IER5L: variants seen among roughly 807,000 people sequenced by gnomAD.
The protein encoded by IER5L is immediate early response gene 5-like protein.
In IER5L, 6 loss-of-function variants were observed where a neutral mutation model predicts 28.3. The ratio of observed to expected loss-of-function variants is 0.21; its 90% CI spans 0.12 to 0.42. The LOEUF is 0.42. IER5L is among the 10% of genes least tolerant of loss of function. The probability of loss-of-function intolerance (pLI) is 1.00; values close to 1 mark genes in which losing one functional copy is unlikely to be tolerated. For missense variants in IER5L, 607 were observed against 575.2 expected (o/e 1.06, Z -0.56); for synonymous variants, 351 against 282.5 (o/e 1.24, Z -2.43).
In IER5L at chr9:129,176,600, GA is replaced by G; in HGVS notation, c.*237del. The G allele has an allele frequency of 4.6e-6, 2 of 434,306 alleles. No individual in the cohort carries two copies. The highest frequency in any genetic ancestry group is 7.6e-6 in the Non-Finnish European group (2 of 261,658). The allele number at this position is 434,306 out of a possible 1,614,324, so 26.9% of individuals were successfully genotyped here. On this transcript the variant is annotated 3_prime_UTR_variant, in exon 1 of 1. Coordinates refer to ENST00000372491, the MANE Select transcript of IER5L (RefSeq NM_203434.3). ...AATAAAAAGAAAAAAAGGAGTAGGA[GA>G]AACACAAAGCATACTTAAATAGGCG...
In IER5L at chr9:129,177,639, C is replaced by T; in HGVS notation, c.414G>A (p.Ala138=). 8.3e-7 allele frequency: 1 copy of T among 1,208,234 alleles called. No individual in the cohort carries two copies. The highest frequency in any genetic ancestry group is 1.0e-6 in the Non-Finnish European group (1 of 976,916). 74.8% of individuals were successfully genotyped at this position (1,208,234 alleles called of 1,614,324 possible). Reference sequence around the variant, plus strand: ...CGGGCGCTCCGGCCGCCGCCGCCGCCGCGCAGCCCCTGGGCGCCGGGTGCT... The same window carrying T: ...CGGGCGCTCCGGCCGCCGCCGCCGCTGCGCAGCCCCTGGGCGCCGGGTGCT... ...QHQHPAPRGC[A]AAAAAGAPAG... The change falls in exon 1 of 1, where the codon GCG becomes GCA. Residue 138 remains alanine (A), a synonymous_variant. Transcript: ENST00000372491.
chr9:129,176,268 C>G lies in IER5L; in HGVS notation c.*570G>C, dbSNP rs927641319. 1.3e-5 allele frequency: 2 copies of G among 152,206 alleles called. No individual in the cohort carries two copies. Among genetic ancestry groups the G allele is most frequent in the Non-Finnish European group, 2.9e-5 (2 of 68,032 alleles). The allele number at this position is 152,206 out of a possible 1,614,324, so 9.4% of individuals were successfully genotyped here. A position where few individuals can be genotyped will look rare whatever the true frequency, so the allele number is the denominator to read the frequency against. On this transcript the variant is annotated 3_prime_UTR_variant, in exon 1 of 1. Coordinates refer to ENST00000372491, the MANE Select transcript of IER5L (RefSeq NM_203434.3). ...TCATTTTGAGAACTTTGGAGTCCGC[C>G]CCCAGAGAGGAAATGTGACCCAAAC...
chr9:129,177,063 C>T lies in IER5L; in HGVS notation c.990G>A (p.Pro330=), dbSNP rs368872587. ...AGCGGGCGCGCTTGCAGGGGGCGAA[C>T]GGGGCGCCCCCGGGGGGCTCGGCCC... ...GLGAEPPGGA[P]FAPCKRARFE... Residue 330 remains proline (P), a synonymous_variant, in exon 1 of 1, where the codon CCG becomes CCA. Coordinates refer to ENST00000372491, the MANE Select transcript of IER5L (RefSeq NM_203434.3). 250 of 1,510,520 alleles carry T rather than the reference C, an allele frequency of 1.7e-4. No homozygotes were observed. In the African/African-American group the frequency reaches 3.0e-3, roughly 18 times the overall value. The allele number at this position is 1,510,520 out of a possible 1,614,324, so 93.6% of individuals were successfully genotyped here.
rs1400804254 is a variant in IER5L, at chr9:129,176,449, C to G, written c.*389G>C. 1 of 153,546 alleles carries G rather than the reference C, an allele frequency of 6.5e-6. No individual in the cohort carries two copies. The highest frequency in any genetic ancestry group is 1.4e-5 in the Non-Finnish European group (1 of 69,114). 9.5% of individuals were successfully genotyped at this position (153,546 alleles called of 1,614,324 possible). A position where few individuals can be genotyped will look rare whatever the true frequency, so the allele number is the denominator to read the frequency against. On this transcript the variant is annotated 3_prime_UTR_variant, in exon 1 of 1. Coordinates refer to ENST00000372491, the MANE Select transcript of IER5L (RefSeq NM_203434.3). ...TTCCCAGGTCCGGCGCCCTCCTGAG[C>G]TGCGCCCCCGGCGCGCCCCGGCGGC...
Position 129,178,037 on chromosome 9 carries a change from C to T in IER5L, c.16G>A (p.Asp6Asn). The change falls in exon 1 of 1, where the codon GAC (aspartate) becomes AAC (asparagine). Residue 6 changes from aspartate to asparagine, a missense_variant. By Grantham distance (23) the Asp-to-Asn change is conservative. Coordinates refer to ENST00000372491, the MANE Select transcript of IER5L (RefSeq NM_203434.3). MECAL[D>N]AQSLISISLR... Reference sequence around the variant, plus strand: ...GAGATGCTGATCAGGCTCTGGGCGTCCAGGGCGCACTCCATGCTCCCGCGG... The same window carrying T: ...GAGATGCTGATCAGGCTCTGGGCGTTCAGGGCGCACTCCATGCTCCCGCGG... 2 of 1,507,774 alleles carry T rather than the reference C, an allele frequency of 1.3e-6. No homozygotes were observed. The highest frequency in any genetic ancestry group is 1.8e-6 in the Non-Finnish European group (2 of 1,125,882). 93.4% of individuals were successfully genotyped at this position (1,507,774 alleles called of 1,614,324 possible). A position where few individuals can be genotyped will look rare whatever the true frequency, so the allele number is the denominator to read the frequency against.
chr9:129,177,515 G>C lies in IER5L; in HGVS notation c.538C>G (p.Pro180Ala). ...HRGQPLEPLQ[P>A]GPAPLPLPLP... ...GGCAGCGGCAGCGGCGCAGGACCCG[G>C]CTGCAGAGGCTCCAAGGGCTGCCCG... is the stretch of plus-strand genomic sequence containing the variant. The change falls in exon 1 of 1, where the codon CCG becomes GCG. Residue 180 changes from proline to alanine, a missense_variant. Coordinates refer to ENST00000372491, the MANE Select transcript of IER5L (RefSeq NM_203434.3). The C allele has an allele frequency of 1.0e-6, 1 of 990,962 alleles. No homozygotes were observed. The highest frequency in any genetic ancestry group is 1.2e-6 in the Non-Finnish European group (1 of 835,636). The allele number at this position is 990,962 out of a possible 1,614,324, so 61.4% of individuals were successfully genotyped here. A position where few individuals can be genotyped will look rare whatever the true frequency, so the allele number is the denominator to read the frequency against.
Position 129,176,841 on chromosome 9 carries a change from G to A in IER5L, c.1212C>T (p.Phe404=). ...LGAWTRAIVA[F] is the part of the protein sequence containing the mutation. ...GTCCCTGTGCCCTCGGGGGTCCCTA[G>A]AAGGCGACAATGGCTCGAGTCCAGG... The change falls in exon 1 of 1, where the codon TTC becomes TTT. Residue 404 remains phenylalanine (F), a synonymous_variant. Coordinates refer to ENST00000372491, the MANE Select transcript of IER5L (RefSeq NM_203434.3). 4 of 1,589,550 alleles carry A rather than the reference G, an allele frequency of 2.5e-6. No individual in the cohort carries two copies. The highest frequency in any genetic ancestry group is 2.3e-5 in the East Asian group (1 of 42,594).
chr9:129,177,623 C>G lies in IER5L; in HGVS notation c.430G>C (p.Gly144Arg), dbSNP rs1362561781. 1 of 1,130,804 alleles carries G rather than the reference C, an allele frequency of 8.8e-7. No individual in the cohort carries two copies. The highest frequency in any genetic ancestry group is 5.0e-5 in the East Asian group (1 of 19,916). 70.0% of individuals were successfully genotyped at this position (1,130,804 alleles called of 1,614,324 possible). A position where few individuals can be genotyped will look rare whatever the true frequency, so the allele number is the denominator to read the frequency against. Residue 144 changes from glycine (G) to arginine (R), a missense_variant, in exon 1 of 1, where the codon GGA becomes CGA. Coordinates refer to ENST00000372491, the MANE Select transcript of IER5L (RefSeq NM_203434.3). ...PRGCAAAAAA[G>R]APAGGAGALS... ...GCCCCCGCGCCGCCCGCGGGCGCTC[C>G]GGCCGCCGCCGCCGCCGCGCAGCCC...
rs1237239782 is a variant in IER5L at position 129,177,196 on chromosome 9, C to G, written c.857G>C (p.Gly286Ala). 13 of 1,480,282 alleles carry G rather than the reference C, an allele frequency of 8.8e-6. No homozygotes were observed. The highest frequency in any genetic ancestry group is 1.1e-5 in the Non-Finnish European group (12 of 1,122,296). The allele number at this position is 1,480,282 out of a possible 1,614,324, so 91.7% of individuals were successfully genotyped here. ...CCASAHCPCC[G>A]QGAPGPGLAS... ...CAGGCCCGGTCCCGGAGCGCCCTGG[C>G]CACAGCAGGGGCAGTGGGCGGAGGC... Residue 286 changes from glycine (G) to alanine (A), a missense_variant, in exon 1 of 1, where the codon GGC (glycine) becomes GCC (alanine). Transcript: ENST00000372491.
Position 129,177,780 on chromosome 9 carries a change from C to T in IER5L, c.273G>A (p.Pro91=), listed in dbSNP as rs757031051. Residue 91 remains proline (P), a synonymous_variant, in exon 1 of 1, where the codon CCG becomes CCA. Coordinates refer to ENST00000372491, the MANE Select transcript of IER5L (RefSeq NM_203434.3). ...CGTCCCCGCCGCCGCCAAGTTGGAGCGGGCCGAAGTCGGCCGCGCTGGCCG... is the reference window on the plus strand; with the variant it reads ...CGTCCCCGCCGCCGCCAAGTTGGAGTGGGCCGAAGTCGGCCGCGCTGGCCG... ...GMPASAADFG[P]LQLGGGGDAE... 1 of 1,472,770 alleles carries T rather than the reference C, an allele frequency of 6.8e-7. No homozygotes were observed. Among genetic ancestry groups the T allele is most frequent in the South Asian group, 1.3e-5 (1 of 76,476 alleles). The allele number at this position is 1,472,770 out of a possible 1,614,324, so 91.2% of individuals were successfully genotyped here.
rs550851333 is a variant in IER5L, at chr9:129,178,231, G to A, written c.-179C>T. ...TGCGCCGCGCGCCACCCGCGGGCTC[G>A]CGCTCCCCAGACGGCGCCAAAGCAA... On this transcript the variant is annotated 5_prime_UTR_variant, in exon 1 of 1. Transcript: ENST00000372491. 20 of 478,328 alleles carry A rather than the reference G, an allele frequency of 4.2e-5. No homozygotes were observed. The highest frequency in any genetic ancestry group is 1.4e-4 in the East Asian group (4 of 28,046). The allele number at this position is 478,328 out of a possible 1,614,324, so 29.6% of individuals were successfully genotyped here.
In IER5L at chr9:129,177,361, G is replaced by A; in HGVS notation, c.692C>T (p.Ser231Phe). 7.7e-7 allele frequency: 1 copy of A among 1,300,508 alleles called. No individual in the cohort carries two copies. The highest frequency in any genetic ancestry group is 9.8e-7 in the Non-Finnish European group (1 of 1,023,330). The allele number at this position is 1,300,508 out of a possible 1,614,324, so 80.6% of individuals were successfully genotyped here. ...TGCGCCCCGGTAGAAGCCGGGGGAG[G>A]AGGCGGGGGCCGGGGAGGCGGGCGG... The part of the protein sequence containing the change: ...ASPPASPAPA[S>F]SPGFYRGAYP... Residue 231 changes from serine to phenylalanine, a missense_variant, in exon 1 of 1, where the codon TCC becomes TTC. Ser to Phe is a radical substitution (Grantham distance 155). Coordinates refer to ENST00000372491, the MANE Select transcript of IER5L (RefSeq NM_203434.3).
Position 129,177,826 on chromosome 9 carries a change from G to T in IER5L, c.227C>A (p.Ala76Glu), listed in dbSNP as rs1419558418. 4.2e-5 allele frequency: 64 copies of T among 1,521,602 alleles called. No individual in the cohort carries two copies. The highest frequency in any genetic ancestry group is 5.2e-5 in the Non-Finnish European group (59 of 1,136,964). 94.3% of individuals were successfully genotyped at this position (1,521,602 alleles called of 1,614,324 possible). ...QPPHHQHQHLAYAAPGMPASA... is the reference protein window; with the variant it reads ...QPPHHQHQHLEYAAPGMPASA... ...GGCCGGCATGCCCGGCGCCGCGTACGCTAGGTGCTGGTGCTGGTGGTGGGG... is the reference window on the plus strand; with the variant it reads ...GGCCGGCATGCCCGGCGCCGCGTACTCTAGGTGCTGGTGCTGGTGGTGGGG... Residue 76 changes from alanine (A) to glutamate (E), a missense_variant, in exon 1 of 1, where the codon GCG becomes GAG. Transcript: ENST00000372491.
chr9:129,177,705 C>G lies in IER5L; in HGVS notation c.348G>C (p.Gln116His), dbSNP rs1285601531. ...GCTGCTGGAGGTGCAGCTGGTGGAG[C>G]TGGTGGAGCTGGTGCAGCTGGTGCC... Reference protein sequence around the residue: ...AARHQLHQLHQLHQLHLQQQL... With the variant: ...AARHQLHQLHHLHQLHLQQQL... Residue 116 changes from glutamine to histidine, a missense_variant, in exon 1 of 1, where the codon CAG (glutamine) becomes CAC (histidine). Physicochemically the swap from Gln to His is conservative, Grantham distance 24. Transcript: ENST00000372491. 1 of 1,430,486 alleles carries G rather than the reference C, an allele frequency of 7.0e-7. No homozygotes were observed. The highest frequency in any genetic ancestry group is 9.1e-7 in the Non-Finnish European group (1 of 1,095,564). The allele number at this position is 1,430,486 out of a possible 1,614,324, so 88.6% of individuals were successfully genotyped here.
At position 129,176,318 on chromosome 9, in the gene IER5L, C is replaced by T. The variant is rs1190014083; in HGVS notation, c.*520G>A. On this transcript the variant is annotated 3_prime_UTR_variant, in exon 1 of 1. Transcript: ENST00000372491. ...CGTCCCTTTCGGAGATAGAGTTTGCCTTTGTTTTTGCTCAGAATTTCACAA... is the reference window on the plus strand; with the variant it reads ...CGTCCCTTTCGGAGATAGAGTTTGCTTTTGTTTTTGCTCAGAATTTCACAA... 1.3e-5 allele frequency: 2 copies of T among 152,202 alleles called. No homozygotes were observed. Among genetic ancestry groups the T allele is most frequent in the Non-Finnish European group, 2.9e-5 (2 of 68,038 alleles). 9.4% of individuals were successfully genotyped at this position (152,202 alleles called of 1,614,324 possible). A position where few individuals can be genotyped will look rare whatever the true frequency, so the allele number is the denominator to read the frequency against.
At position 129,176,642 on chromosome 9, in the gene IER5L, A is replaced by AAAAT. The variant is rs1829403957; in HGVS notation, c.*192_*195dup. On this transcript the variant is annotated 3_prime_UTR_variant, in exon 1 of 1. Coordinates refer to ENST00000372491, the MANE Select transcript of IER5L (RefSeq NM_203434.3). Reference sequence around the variant, plus strand: ...TAAATAGGCGCTTTTTCTCTCTGCAAAAATAAAGTCCAAGATTTTAGATTT... The same window carrying AAAAT: ...TAAATAGGCGCTTTTTCTCTCTGCAAAAATAAATAAAGTCCAAGATTTTAGATTT... 9.2e-6 allele frequency: 7 copies of AAAAT among 760,566 alleles called. No individual in the cohort carries two copies. In the East Asian group the frequency reaches 2.4e-4, roughly 26 times the overall value. The allele number at this position is 760,566 out of a possible 1,614,324, so 47.1% of individuals were successfully genotyped here. A position where few individuals can be genotyped will look rare whatever the true frequency, so the allele number is the denominator to read the frequency against.
Position 129,176,742 on chromosome 9 carries a change from C to T in IER5L, c.*96G>A, listed in dbSNP as rs968298804. ...TCGCCCCCAGCTCAGCCCCGAGTGG[C>T]CCGGCGCCCGCTCGTTCCCTCCTCT... On this transcript the variant is annotated 3_prime_UTR_variant, in exon 1 of 1. Coordinates refer to ENST00000372491, the MANE Select transcript of IER5L (RefSeq NM_203434.3). The T allele has an allele frequency of 2.3e-5, 32 of 1,382,038 alleles. No individual in the cohort carries two copies. The highest frequency in any genetic ancestry group is 2.7e-5 in the Non-Finnish European group (29 of 1,071,024). 85.6% of individuals were successfully genotyped at this position (1,382,038 alleles called of 1,614,324 possible).
Position 129,177,688 on chromosome 9 carries a change from A to T in IER5L, c.365T>A (p.Leu122His), listed in dbSNP as rs1829434531. The T allele has an allele frequency of 7.1e-7, 1 of 1,414,870 alleles. No homozygotes were observed. The highest frequency in any genetic ancestry group is 9.2e-7 in the Non-Finnish European group (1 of 1,087,080). The allele number at this position is 1,414,870 out of a possible 1,614,324, so 87.6% of individuals were successfully genotyped here. A position where few individuals can be genotyped will look rare whatever the true frequency, so the allele number is the denominator to read the frequency against. ...CTGGTGCTGGTGCAGCTGCTGCTGG[A>T]GGTGCAGCTGGTGGAGCTGGTGGAG... ...HQLHQLHQLH[L>H]QQQLHQHQHP... Residue 122 changes from leucine to histidine, a missense_variant, in exon 1 of 1, where the codon CTC becomes CAC. Physicochemically the swap from Leu to His is moderately conservative, Grantham distance 99. Transcript: ENST00000372491.
Position 129,177,871 on chromosome 9 carries a change from T to C in IER5L, c.182A>G (p.Gln61Arg). The change falls in exon 1 of 1, where the codon CAG (glutamine) becomes CGG (arginine). Residue 61 changes from glutamine to arginine, a missense_variant. By Grantham distance (43) the Gln-to-Arg change is conservative. Coordinates refer to ENST00000372491, the MANE Select transcript of IER5L (RefSeq NM_203434.3). ...RYAELYRRQQQQQQQQPPHHQ... is the reference protein window; with the variant it reads ...RYAELYRRQQRQQQQQPPHHQ... ...GTGGGGCGGCTGCTGCTGTTGCTGC[T>C]GCTGCTGGCGCCGGTAGAGCTCGGC... The C allele has an allele frequency of 6.5e-7, 1 of 1,544,080 alleles. No homozygotes were observed. The highest frequency in any genetic ancestry group is 2.5e-5 in the East Asian group (1 of 39,966).
Sources: allele counts gnomAD v4.1 joint callset, GRCh38; gene constraint gnomAD v4.1.1; transcripts MANE v1.5; gene names NCBI Gene and HGNC (gene_info 2026-07-23, HGNC 2026-07-21).